TASP1: variants seen among roughly 807,000 people sequenced by gnomAD.
TASP1 encodes the protein taspase 1.
Under a neutral mutation model 56.6 loss-of-function variants are expected in TASP1, and 16 were observed. The observed-to-expected ratio is 0.28, with a 90% CI of 0.19 to 0.43. The LOEUF is 0.43. Among genes scored for constraint, TASP1 ranks in the 20% least tolerant of loss-of-function variants. The probability of loss-of-function intolerance (pLI) is 1.00; values close to 1 mark genes in which losing one functional copy is unlikely to be tolerated. For missense variants in TASP1, 393 were observed against 511.6 expected, an observed-to-expected ratio of 0.77 and a Z score of 2.24; for synonymous variants, 179 against 184.2, an observed-to-expected ratio of 0.97 and a Z score of 0.23.
intron 13 of TASP1, among the ~76,000 whole-genome samples, chr20:13,397,385 G>A (rs903343938): frequency 6.6e-6 from 1 of 151,496 alleles, no homozygotes; most frequent in African/African-American, 2.4e-5. Flanking sequence ...TACCATGTCA[G>A]ACAGAAAGAT....
At chr20:13,508,986 G>A (rs371135066) in intron 10 of TASP1, among the ~76,000 whole-genome samples, 80 of 152,138 alleles carry the variant, frequency 5.3e-4, no homozygotes, top group Middle Eastern at 3.4e-3. Flanking sequence ...CCCACTTCTC[G>A]TTGTATATGC....
intron 11 of TASP1, among the ~76,000 whole-genome samples, chr20:13,467,617 A>C (rs2044313966): frequency 6.6e-6 from 1 of 152,182 alleles, no homozygotes; most frequent in African/African-American, 2.4e-5. Flanking sequence ...TAAATATTAC[A>C]GAATATAAGA....
chr20:13,124,782 G>A, the TASP1 span, among the ~76,000 whole-genome samples: 1 of 152,188 alleles, frequency 6.6e-6, no homozygotes, highest in African/African-American at 2.4e-5. Context: ...ACATACCTAA[G>A]AGAGATGGAA....
At chr20:13,462,447 T>C (rs1446262030) in intron 11 of TASP1, among the ~76,000 whole-genome samples, 2 of 152,164 alleles carry the variant, frequency 1.3e-5, no homozygotes, top group African/African-American at 4.8e-5. Context: ...GGCATGCACA[T>C]TGATTTTGAT....
chr20:13,565,700 T>G (rs1321833959), intron 7 of TASP1, among the ~76,000 whole-genome samples: 1 of 152,080 alleles, frequency 6.6e-6, no homozygotes, highest in East Asian at 1.9e-4. Context: ...AAAGAACAAG[T>G]ATTGGTAAGG....
the TASP1 span, among the ~76,000 whole-genome samples, chr20:13,286,215 G>A: frequency 2.6e-4 from 39 of 152,060 alleles, no homozygotes; most frequent in African/African-American, 2.9e-4. Context: ...CGTATGACCC[G>A]CTGCACCTGG....
chr20:13,512,661 C>G (rs1444476431), intron 10 of TASP1, among the ~76,000 whole-genome samples: 1 of 152,176 alleles, frequency 6.6e-6, no homozygotes, highest in African/African-American at 2.4e-5. Flanking sequence ...GTATATTAGT[C>G]ATGAAGTCTT....
At chr20:13,183,567 C>G in the TASP1 span, among the ~76,000 whole-genome samples, 2 of 151,834 alleles carry the variant, frequency 1.3e-5, no homozygotes, top group Middle Eastern at 6.8e-3. Context: ...GAATTTTTAC[C>G]AAAAAATTTA....
chr20:13,407,754 T>C (rs2041974176), intron 13 of TASP1, among the ~76,000 whole-genome samples: 1 of 152,198 alleles, frequency 6.6e-6, no homozygotes, highest in South Asian at 2.1e-4. Context: ...ATATTCACAA[T>C]TTTTATCATA....
At chr20:13,393,823 C>T (rs2041389486) in intron 13 of TASP1, 1 of 552,082 alleles carries the variant, frequency 1.8e-6, no homozygotes, top group Non-Finnish European at 3.2e-6. Context: ...GAGGGAGGGG[C>T]CTAGGGAGCC....
intron 12 of TASP1, among the ~76,000 whole-genome samples, chr20:13,426,180 G>T (rs1157833192): frequency 6.6e-6 from 1 of 152,154 alleles, no homozygotes; most frequent in Admixed American, 6.5e-5. Flanking sequence ...TGGAAACAGG[G>T]CCACTTGGTT....
chr20:13,276,327 T>C, the TASP1 span, among the ~76,000 whole-genome samples: 1 of 152,130 alleles, frequency 6.6e-6, no homozygotes, highest in African/African-American at 2.4e-5. Context: ...CTGAGAATGG[T>C]GTGGGTTTCC....
At chr20:13,273,071 G>A in the TASP1 span, among the ~76,000 whole-genome samples, 1 of 152,140 alleles carries the variant, frequency 6.6e-6, no homozygotes, top group African/African-American at 2.4e-5. Context: ...GGCTGCCGGG[G>A]ACTGTTCCTT....
At chr20:13,475,233 G>A (rs2044679277) in intron 11 of TASP1, among the ~76,000 whole-genome samples, 1 of 152,064 alleles carries the variant, frequency 6.6e-6, no homozygotes, top group Non-Finnish European at 1.5e-5. Context: ...ATATCTTAAT[G>A]GTGGCATACT....
intron 12 of TASP1, among the ~76,000 whole-genome samples, chr20:13,430,073 A>G (rs375450839): frequency 2.0e-5 from 3 of 152,258 alleles, no homozygotes; most frequent in East Asian, 3.9e-4. Flanking sequence ...ACAGACTGCA[A>G]TGTAAAAGGA....
chr20:13,146,731 T>C, the TASP1 span, among the ~76,000 whole-genome samples: 1 of 152,220 alleles, frequency 6.6e-6, no homozygotes. Flanking sequence ...TCATCTTCTA[T>C]TGCCACCTCA....
the TASP1 span, among the ~76,000 whole-genome samples, chr20:13,250,158 C>T: frequency 1.2e-4 from 18 of 152,154 alleles, no homozygotes; most frequent in African/African-American, 3.9e-4. Context: ...TGCCATGAAA[C>T]GACCACGTTG....
chr20:13,483,968 A>G (rs2043231509), intron 10 of TASP1, among the ~76,000 whole-genome samples: 1 of 151,980 alleles, frequency 6.6e-6, no homozygotes, highest in African/African-American at 2.4e-5. Context: ...ACAAGAAAAA[A>G]ACAAACAACC....
the TASP1 span, among the ~76,000 whole-genome samples, chr20:13,342,934 C>A: frequency 2.6e-5 from 4 of 152,244 alleles, no homozygotes; most frequent in East Asian, 7.7e-4. Flanking sequence ...GAGATCGTGA[C>A]TGGCAGAGAT....
Sources: gnomAD v4.1 joint callset for allele counts (sites outside exome capture counted in the v4.1 genomes callset) on GRCh38, gnomAD v4.1.1 for gene constraint, MANE v1.5 for transcripts, NCBI Gene and HGNC (gene_info 2026-07-23, HGNC 2026-07-21) for gene names.